SMYD3: variants seen among roughly 807,000 people sequenced by gnomAD.
SMYD3 encodes the protein histone-lysine N-methyltransferase SMYD3.
A neutral mutation model predicts 57.7 loss-of-function variants in SMYD3; 36 were observed. The ratio of observed to expected loss-of-function variants is 0.62; its 90% CI spans 0.48 to 0.82. SMYD3 has a LOEUF of 0.82. Ranked by LOEUF, SMYD3 falls within the 40% of genes least tolerant of loss-of-function variation. The pLI is 0.00. For synonymous variants in SMYD3, 211 were observed against 195.0 expected (o/e 1.08, Z -0.68); for missense variants, 515 against 538.8 (o/e 0.96, Z 0.44).
chr1:246,207,058 G>A (rs143534186), intron 5 of SMYD3, among the ~76,000 whole-genome samples: 26 of 152,206 alleles, frequency 1.7e-4, no homozygotes, highest in African/African-American at 6.3e-4. Context: ...TATGCCAAAC[G>A]TATAAGGCAG....
chr1:245,927,862 G>A (rs2056478195), intron 7 of SMYD3, 69 bp downstream of exon 7: 1 of 1,267,012 alleles, frequency 7.9e-7, no homozygotes, highest in Non-Finnish European at 1.1e-6. Context: ...ATCAGTTTTA[G>A]GGACGGGCCG....
chr1:246,174,157 A>T (rs2062393229), intron 5 of SMYD3, among the ~76,000 whole-genome samples: 1 of 152,086 alleles, frequency 6.6e-6, no homozygotes, highest in African/African-American at 2.4e-5. Context: ...TAAGGATAAA[A>T]GTATAATATA....
At chr1:245,995,466 C>T (rs540699801) in intron 5 of SMYD3, among the ~76,000 whole-genome samples, 18 of 152,314 alleles carry the variant, frequency 1.2e-4, no homozygotes, top group Admixed American at 3.3e-4. Context: ...TTTATGCCAA[C>T]GTGTTTGGTA....
At chr1:246,210,451 T>C (rs556288897) in intron 5 of SMYD3, among the ~76,000 whole-genome samples, 1 of 152,240 alleles carries the variant, frequency 6.6e-6, no homozygotes, top group East Asian at 1.9e-4. Flanking sequence ...CCTTTAGAAT[T>C]GGCTCTACAG....
chr1:245,852,133 T>C (rs1449146364), intron 10 of SMYD3, among the ~76,000 whole-genome samples: 3 of 152,220 alleles, frequency 2.0e-5, no homozygotes, highest in Admixed American at 2.0e-4. Context: ...CAACACTTGT[T>C]CAAATGCCTG....
At chr1:246,299,866 G>A (rs930239501) in intron 5 of SMYD3, among the ~76,000 whole-genome samples, 7 of 151,924 alleles carry the variant, frequency 4.6e-5, no homozygotes, top group Non-Finnish European at 1.0e-4. Context: ...GAGAGGATCA[G>A]GAAAAACGAC....
At chr1:246,418,092 A>T (rs1204989281) in intron 1 of SMYD3, among the ~76,000 whole-genome samples, 1 of 152,182 alleles carries the variant, frequency 6.6e-6, no homozygotes, top group Non-Finnish European at 1.5e-5. Flanking sequence ...ATACATTTAT[A>T]TGCCTCTTCC....
At chr1:246,407,885 C>T (rs1001890010) in intron 1 of SMYD3, among the ~76,000 whole-genome samples, 1 of 151,014 alleles carries the variant, frequency 6.6e-6, no homozygotes, top group Non-Finnish European at 1.5e-5. Flanking sequence ...TATATATTCA[C>T]TCTTGAGGAG....
At chr1:246,379,077 T>TACAC (rs1256292141) in intron 1 of SMYD3, among the ~76,000 whole-genome samples, 1 of 66,904 alleles carries the variant, frequency 1.5e-5, no homozygotes, top group East Asian at 6.4e-4. Context: ...TACACACACA[T>TACAC]ACATACACAC....
At chr1:245,959,209 G>T (rs965767561) in intron 5 of SMYD3, among the ~76,000 whole-genome samples, 20 of 152,220 alleles carry the variant, frequency 1.3e-4, no homozygotes, top group Non-Finnish European at 2.6e-4. Context: ...TGATTGACCT[G>T]CCTCAGCCTC....
intron 5 of SMYD3, among the ~76,000 whole-genome samples, chr1:246,082,685 T>G (rs2060655279): frequency 6.6e-6 from 1 of 152,088 alleles, no homozygotes; most frequent in Non-Finnish European, 1.5e-5. Flanking sequence ...AATGGTTTTG[T>G]GTGGGGAAAA....
chr1:245,947,258 C>A, intron 5 of SMYD3: 1 of 409,734 alleles, frequency 2.4e-6, no homozygotes, highest in Non-Finnish European at 4.9e-6. Context: ...AAATCGGCTA[C>A]AAAAGAGCAA....
chr1:245,820,011 T>G, intron 10 of SMYD3, among the ~76,000 whole-genome samples: 1 of 88,068 alleles, frequency 1.1e-5, no homozygotes, highest in African/African-American at 4.2e-5. Context: ...TTCCAATCAA[T>G]AGAAAAAGAG....
At chr1:246,491,709 G>A (rs1423420155) in intron 1 of SMYD3, among the ~76,000 whole-genome samples, 2 of 152,158 alleles carry the variant, frequency 1.3e-5, no homozygotes, top group Non-Finnish European at 2.9e-5. Context: ...GCCCCTGGCT[G>A]ATACCATCGG....
chr1:246,362,771 G>T (rs913256151), intron 1 of SMYD3, among the ~76,000 whole-genome samples: 8 of 152,216 alleles, frequency 5.3e-5, no homozygotes, highest in Admixed American at 6.5e-5. Context: ...GTGGTCAATG[G>T]TGCCCAGGCT....
chr1:246,443,420 A>AAT (rs2067500503), intron 1 of SMYD3, among the ~76,000 whole-genome samples: 1 of 152,268 alleles, frequency 6.6e-6, no homozygotes, highest in South Asian at 2.1e-4. Context: ...CTATAGAATC[A>AAT]ATATACATGT....
intron 5 of SMYD3, among the ~76,000 whole-genome samples, chr1:246,272,525 G>A (rs936948855): frequency 4.6e-5 from 7 of 152,074 alleles, no homozygotes; most frequent in African/African-American, 1.7e-4. Flanking sequence ...TTTCTGCTTC[G>A]ATTCAGATGA....
chr1:246,288,667 T>C (rs1213464795), intron 5 of SMYD3, among the ~76,000 whole-genome samples: 1 of 152,106 alleles, frequency 6.6e-6, no homozygotes, highest in Non-Finnish European at 1.5e-5. Flanking sequence ...GAATTGAGCA[T>C]TTATCTGAAA....
chr1:246,227,746 T>C (rs955521854), intron 5 of SMYD3, among the ~76,000 whole-genome samples: 18 of 152,140 alleles, frequency 1.2e-4, no homozygotes, highest in African/African-American at 4.3e-4. Context: ...ATTAACAGTT[T>C]GAACTTGAAG....
Sources: gnomAD v4.1 joint callset for allele counts (sites outside exome capture counted in the v4.1 genomes callset) on GRCh38, gnomAD v4.1.1 for gene constraint, MANE v1.5 for transcripts, NCBI Gene and HGNC (gene_info 2026-07-23, HGNC 2026-07-21) for gene names.